The following WWOX variants were observed in gnomAD, a reference collection of about 807,000 sequenced individuals.
WWOX encodes the protein WW domain-containing oxidoreductase.
WWOX carries 69 observed loss-of-function variants against 46.2 expected under a neutral mutation model. That is an observed-to-expected ratio of 1.49 (90% CI 1.23 to 1.82). The LOEUF is 1.82. Ranked by LOEUF, WWOX falls within the 40% of genes most tolerant of loss-of-function variation. The pLI is 0.00. For missense variants in WWOX, 919 were observed against 542.6 expected, an observed-to-expected ratio of 1.69 and a Z score of -6.89; for synonymous variants, 359 against 202.6, an observed-to-expected ratio of 1.77 and a Z score of -6.56.
intron 6 of WWOX, among the ~76,000 whole-genome samples, chr16:78,422,497 A>G (rs1352323803): frequency 6.7e-6 from 1 of 149,412 alleles, no homozygotes; most frequent in African/African-American, 2.5e-5. Context: ...GCCACACACC[A>G]CCACACCTGG....
chr16:78,757,412 T>C (rs1397075588), intron 8 of WWOX, among the ~76,000 whole-genome samples: 1 of 152,156 alleles, frequency 6.6e-6, no homozygotes, highest in African/African-American at 2.4e-5. Flanking sequence ...GGACACTGTC[T>C]GTTGCTTCTG....
intron 8 of WWOX, among the ~76,000 whole-genome samples, chr16:78,666,547 C>G (rs958255083): frequency 6.6e-6 from 1 of 152,106 alleles, no homozygotes; most frequent in Non-Finnish European, 1.5e-5. Flanking sequence ...TCTCTAGAAC[C>G]ATTTGATTGG....
At chr16:79,037,998 T>G (rs901215606) in intron 8 of WWOX, among the ~76,000 whole-genome samples, 10 of 152,128 alleles carry the variant, frequency 6.6e-5, no homozygotes, top group Admixed American at 5.9e-4. Flanking sequence ...CGTTAACACA[T>G]GATGGCAACC....
chr16:78,638,034 C>T (rs1031158849), intron 8 of WWOX, among the ~76,000 whole-genome samples: 1 of 152,198 alleles, frequency 6.6e-6, no homozygotes, highest in South Asian at 2.1e-4. Context: ...GGGAAGCTTG[C>T]TCACATCATC....
chr16:78,721,259 A>G (rs545541961), intron 8 of WWOX, among the ~76,000 whole-genome samples: 2 of 145,414 alleles, frequency 1.4e-5, no homozygotes, highest in South Asian at 4.4e-4. Flanking sequence ...AGTAGCTTTC[A>G]TGATGAAGGT....
At chr16:78,190,305 G>A (rs1400585305) in intron 5 of WWOX, among the ~76,000 whole-genome samples, 1 of 152,158 alleles carries the variant, frequency 6.6e-6, no homozygotes, top group East Asian at 1.9e-4. Flanking sequence ...CAGTAAGAAA[G>A]GTGACGTCAA....
At chr16:78,524,485 A>G (rs892702154) in intron 8 of WWOX, among the ~76,000 whole-genome samples, 3 of 151,984 alleles carry the variant, frequency 2.0e-5, no homozygotes, top group Non-Finnish European at 4.4e-5. Flanking sequence ...CAGTGGCATG[A>G]TCTCGGCTCA....
intron 8 of WWOX, among the ~76,000 whole-genome samples, chr16:78,605,399 G>A (rs1393642418): frequency 6.6e-6 from 1 of 151,126 alleles, no homozygotes; most frequent in Non-Finnish European, 1.5e-5. Context: ...ACAAAGACAG[G>A]GCTCATGTCA....
chr16:78,974,314 G>T (rs893259875), intron 8 of WWOX, among the ~76,000 whole-genome samples: 2 of 152,210 alleles, frequency 1.3e-5, no homozygotes, highest in African/African-American at 2.4e-5. Flanking sequence ...TTCCAGTACA[G>T]ATAATAAAGC....
At chr16:78,671,859 G>A (rs2047473080) in intron 8 of WWOX, among the ~76,000 whole-genome samples, 1 of 151,898 alleles carries the variant, frequency 6.6e-6, no homozygotes, top group African/African-American at 2.4e-5. Context: ...TCAATTAAAT[G>A]GATTTACATC....
At chr16:79,016,196 G>C (rs959920957) in intron 8 of WWOX, 7 of 152,204 alleles carry the variant, frequency 4.6e-5, no homozygotes, top group African/African-American at 1.7e-4. Flanking sequence ...GGCAGCTTCT[G>C]AAGGCTTCTG....
At chr16:78,702,251 G>A (rs2048241259) in intron 8 of WWOX, among the ~76,000 whole-genome samples, 1 of 150,084 alleles carries the variant, frequency 6.7e-6, no homozygotes, top group African/African-American at 2.5e-5. Context: ...CTATACTCCA[G>A]CCTGGGTGAC....
intron 8 of WWOX, among the ~76,000 whole-genome samples, chr16:79,069,673 G>C (rs2048512050): frequency 6.6e-6 from 1 of 151,854 alleles, no homozygotes; most frequent in South Asian, 2.1e-4. Context: ...ACATCTAAAT[G>C]TCAGTGTGCA....
At chr16:78,188,785 C>G (rs1264785318) in intron 5 of WWOX, among the ~76,000 whole-genome samples, 2 of 152,042 alleles carry the variant, frequency 1.3e-5, no homozygotes, top group East Asian at 1.9e-4. Context: ...AATGACAGGC[C>G]TTTTGAAATC....
At position 78,185,447 on chromosome 16, in the gene WWOX, C is replaced by T. The variant is rs559381118; in HGVS notation, c.516+21158C>T. The stretch of plus-strand genomic sequence containing the variant: ...ATACACCACAGTGCATACAAATCCT[C>T]GAAGCCGCAGAACTTTTTCAAGTTG... On this transcript the variant is annotated intron_variant, in intron 5 of 8. Coordinates refer to ENST00000566780, the MANE Select transcript of WWOX (RefSeq NM_016373.4). Among the ~76,000 whole-genome samples the T allele has an allele frequency of 1.8e-3, 271 of 151,614 alleles. 1 individual carries two copies. Among genetic ancestry groups the T allele is most frequent in the African/African-American group, 4.6e-3 (189 of 41,320 alleles).
intron 8 of WWOX, among the ~76,000 whole-genome samples, chr16:78,454,363 TGTGTG>T (rs2083762898): frequency 6.8e-5 from 8 of 118,516 alleles, no homozygotes; most frequent in Admixed American, 4.6e-4. Context: ...TATTCGTGTG[TGTGTG>T]TGTGTGTGTG....
chr16:78,128,367 C>T (rs549151400), intron 4 of WWOX, among the ~76,000 whole-genome samples: 2 of 146,374 alleles, frequency 1.4e-5, no homozygotes, highest in South Asian at 4.2e-4. Context: ...TGACTCTAGC[C>T]AGATATTCAG....
At chr16:79,204,831 A>T (rs1259076540) in intron 8 of WWOX, 2 of 152,178 alleles carry the variant, frequency 1.3e-5, no homozygotes, top group Non-Finnish European at 2.9e-5. Flanking sequence ...CCAGCTTTCC[A>T]TCCTGAACCT....
intron 8 of WWOX, among the ~76,000 whole-genome samples, chr16:78,885,174 A>C (rs1194632840): frequency 1.3e-5 from 2 of 149,276 alleles, no homozygotes; most frequent in Admixed American, 1.3e-4. Flanking sequence ...GTTGCGGGGG[A>C]CTACCAATCA....
Sources: allele counts gnomAD v4.1 joint callset (sites outside exome capture counted in the v4.1 genomes callset), GRCh38; gene constraint gnomAD v4.1.1; transcripts MANE v1.5; gene names NCBI Gene and HGNC (gene_info 2026-07-23, HGNC 2026-07-21).